TP53I13: variants seen among roughly 807,000 people sequenced by gnomAD.
The protein encoded by TP53I13 is tumor protein p53 inducible protein 13.
A neutral mutation model predicts 39.1 loss-of-function variants in TP53I13; 27 were observed. The ratio of observed to expected loss-of-function variants is 0.69; its 90% confidence interval spans 0.51 to 0.95. The LOEUF is 0.95. Ranked by LOEUF, TP53I13 falls within the 40% of genes least tolerant of loss-of-function variation. The pLI is 0.00. For synonymous variants in TP53I13, 230 were observed against 224.6 expected (o/e 1.02, Z -0.22); for missense variants, 544 against 520.4 (o/e 1.05, Z -0.44).
the TP53I13 span, among the ~76,000 whole-genome samples, chr17:29,580,357 G>C: frequency 6.6e-6 from 1 of 152,336 alleles, no homozygotes; most frequent in African/African-American, 2.4e-5. Context: ...CTGGGTTTAG[G>C]ATCTGAGTCG....
Position 29,568,926 on chromosome 17 carries a change from C to T in TP53I13, c.73-92C>T. On this transcript the variant is annotated intron_variant, in intron 1 of 6. Transcript: ENST00000301057. The surrounding 1 kb of genome is among the most constrained non-coding windows in gnomAD (Gnocchi z 4.5). ...AAGGAGTGGCGCGCCGAGGGGGACG[C>T]GGAGTTCTTCCGCTGGCGGGCTGGG... The T allele has an allele frequency of 1.3e-6, 2 of 1,595,344 alleles. No homozygotes were observed. Among genetic ancestry groups the T allele is most frequent in the African/African-American group, 1.3e-5 (1 of 74,824 alleles).
downstream of TP53I13, chr17:29,574,939 G>A (rs761908309): frequency 5.2e-6 from 8 of 1,534,498 alleles, no homozygotes; most frequent in East Asian, 2.4e-5. Flanking sequence ...AGTGAGGCTG[G>A]ACCTTGGACT....
rs1344188917 is a variant in TP53I13, at chr17:29,572,876, C to T, written c.1134C>T (p.Leu378=). 5 of 1,518,970 alleles carry T rather than the reference C, an allele frequency of 3.3e-6. No homozygotes were observed. Among genetic ancestry groups the T allele is most frequent in the Non-Finnish European group, 4.4e-6 (5 of 1,140,608 alleles). The allele number at this position is 1,518,970 out of a possible 1,614,324, so 94.1% of individuals were successfully genotyped here. The change falls in exon 7 of 7, where the codon CTC becomes CTT. Residue 378 remains leucine, a synonymous_variant. Transcript: ENST00000301057. The part of the protein sequence containing the change: ...RRVKRSRRRP[L]LPPTPDSGPE... ...TCAAGCGCTCGCGCCGGAGACCCCT[C>T]CTCCCGCCCACGCCGGACAGCGGCC...
At chr17:29,576,260 C>G, downstream of TP53I13, 2 of 1,610,240 alleles carry the variant, frequency 1.2e-6, no homozygotes, top group Non-Finnish European at 8.5e-7. Flanking sequence ...GAGCTCGTCC[C>G]CAGGGGGGCC....
At chr17:29,566,389 C>G (rs200715985), upstream of TP53I13, 20 of 1,610,976 alleles carry the variant, frequency 1.2e-5, no homozygotes, top group Admixed American at 1.0e-4. Context: ...GTGGCCGCGG[C>G]GATGGAAGAT....
At chr17:29,582,325 CGTCA>C in the TP53I13 span, among the ~76,000 whole-genome samples, 1 of 152,250 alleles carries the variant, frequency 6.6e-6, no homozygotes. Context: ...TAAACGCTGC[CGTCA>C]GTCACCATCT....
the TP53I13 span, chr17:29,581,224 TG>T: frequency 3.8e-6 from 3 of 784,302 alleles, no homozygotes; most frequent in Non-Finnish European, 4.5e-6. This position sits in a 1 kb window ranked among gnomAD's most constrained non-coding sequence, Gnocchi z 4.8. Context: ...CTCTAGTCTC[TG>T]GGGGGAGGGA....
At chr17:29,577,072 G>C (rs896983011), downstream of TP53I13, 15 of 1,604,774 alleles carry the variant, frequency 9.3e-6, no homozygotes, top group Non-Finnish European at 1.3e-5. Context: ...GGCAGGGAGA[G>C]CCATGCAGGA....
At chr17:29,574,383 C>A, downstream of TP53I13, 1 of 391,182 alleles carries the variant, frequency 2.6e-6, no homozygotes, top group Non-Finnish European at 4.8e-6. Flanking sequence ...TCCCCACCTG[C>A]CCCTTTGCTG....
chr17:29,579,137 G>A, the TP53I13 span: 9 of 685,490 alleles, frequency 1.3e-5, no homozygotes, highest in East Asian at 5.3e-5. Flanking sequence ...TCATCTCACC[G>A]CGTCCCCCAC....
At chr17:29,568,679 T>TGGGGCTGGA, upstream of TP53I13, 2 of 749,124 alleles carry the variant, frequency 2.7e-6, no homozygotes, top group Non-Finnish European at 3.2e-6. This position sits in a 1 kb window ranked among gnomAD's most constrained non-coding sequence, Gnocchi z 4.5. Context: ...GCGGGGGCGC[T>TGGGGCTGGA]GGGGCTGGAG....
chr17:29,572,957 C>T lies in TP53I13; in HGVS notation c.*33C>T. 2.9e-6 allele frequency: 4 copies of T among 1,366,034 alleles called. No homozygotes were observed. The highest frequency in any genetic ancestry group is 3.4e-5 in the South Asian group (2 of 59,672). 84.6% of individuals were successfully genotyped at this position (1,366,034 alleles called of 1,614,324 possible). On this transcript the variant is annotated 3_prime_UTR_variant, in exon 7 of 7. Coordinates refer to ENST00000301057, the MANE Select transcript of TP53I13 (RefSeq NM_138349.4). ...GGACCTGCCACTGTGGCGTGCGGCTCCTCCCCGCGCCGCGAGGCCGCGACC... is the reference window on the plus strand; with the variant it reads ...GGACCTGCCACTGTGGCGTGCGGCTTCTCCCCGCGCCGCGAGGCCGCGACC...
At chr17:29,575,895 G>A (rs762146014), downstream of TP53I13, 12 of 1,606,114 alleles carry the variant, frequency 7.5e-6, no homozygotes, top group African/African-American at 2.7e-5. The surrounding 1 kb of genome is among the most constrained non-coding windows in gnomAD (Gnocchi z 5.5). Flanking sequence ...ACCCCTTTCC[G>A]GATCTGAAAC....
chr17:29,572,662 G>T lies in TP53I13; in HGVS notation c.1034G>T (p.Trp345Leu), dbSNP rs868609765. Residue 345 changes from tryptophan (W) to leucine (L), a missense_variant, in exon 6 of 7, where the codon TGG becomes TTG. Coordinates refer to ENST00000301057, the MANE Select transcript of TP53I13 (RefSeq NM_138349.4). The stretch of plus-strand genomic sequence containing the variant: ...TTCCGACGCGGGGAGAGCATCTACT[G>T]GGGGCCCACAGCGGACAGCCAGGAC... ...RNFRRGESIY[W>L]GPTADSQDTV... is the part of the protein sequence containing the mutation. 1 of 1,580,330 alleles carries T rather than the reference G, an allele frequency of 6.3e-7. No homozygotes were observed. Among genetic ancestry groups the T allele is most frequent in the East Asian group, 2.3e-5 (1 of 42,894 alleles).
downstream of TP53I13, chr17:29,575,226 TCTGCAACACCCTAGAAGCCAACAGGAA>T: frequency 6.4e-7 from 1 of 1,561,736 alleles, no homozygotes; most frequent in Non-Finnish European, 8.7e-7. This position sits in a 1 kb window ranked among gnomAD's most constrained non-coding sequence, Gnocchi z 5.5. Flanking sequence ...CCTCATGCTC[TCTGCAACACCCTAGAAGCCAACAGGAA>T]CTGCATCCCC....
intron 2 of TP53I13, 83 bp downstream of exon 2, chr17:29,569,169 T>C: frequency 6.7e-7 from 1 of 1,495,540 alleles, no homozygotes; most frequent in South Asian, 1.2e-5. Flanking sequence ...CCCTCCACAG[T>C]CACCATCTGA....
Position 29,569,328 on chromosome 17 carries a change from G to C in TP53I13, c.152G>C (p.Arg51Thr). The change falls in exon 3 of 7, where the codon AGA (arginine) becomes ACA (threonine). Residue 51 changes from arginine (R) to threonine (T), a missense_variant. Coordinates refer to ENST00000301057, the MANE Select transcript of TP53I13 (RefSeq NM_138349.4). ...LWPLPPQVSPRVTYTRVSPGQ... is the reference protein window; with the variant it reads ...LWPLPPQVSPTVTYTRVSPGQ... ...TTTCCCCATGTATAGGTGTCACCAA[G>C]AGTGACCTACACACGAGTGAGCCCA... 1 of 1,613,820 alleles carries C rather than the reference G, an allele frequency of 6.2e-7. No individual in the cohort carries two copies.
rs2150811323 is a variant in TP53I13 at position 29,572,823 on chromosome 17, C to T, written c.1081C>T (p.Arg361Trp). 2.0e-6 allele frequency: 3 copies of T among 1,531,804 alleles called. No individual in the cohort carries two copies. The highest frequency in any genetic ancestry group is 1.7e-6 in the Non-Finnish European group (2 of 1,143,974). The allele number at this position is 1,531,804 out of a possible 1,614,324, so 94.9% of individuals were successfully genotyped here. A position where few individuals can be genotyped will look rare whatever the true frequency, so the allele number is the denominator to read the frequency against. The change falls in exon 7 of 7, where the codon CGG becomes TGG. Residue 361 changes from arginine (R) to tryptophan (W), a missense_variant. Physicochemically the swap from Arg to Trp is moderately radical, Grantham distance 101. Coordinates refer to ENST00000301057, the MANE Select transcript of TP53I13 (RefSeq NM_138349.4). Reference protein sequence around the residue: ...SQDTVAAVLKRRLLQPSRRVK... With the variant: ...SQDTVAAVLKWRLLQPSRRVK... ...CGCCCGGCCCACAGCTGTGCTGAAG[C>T]GGAGGCTGCTGCAGCCCTCGCGCCG... is the stretch of plus-strand genomic sequence containing the variant.
intron 3 of TP53I13, chr17:29,571,262 T>C: frequency 3.2e-6 from 1 of 311,598 alleles, no homozygotes; most frequent in Non-Finnish European, 6.0e-6. Context: ...GGGGGTTGCT[T>C]ATGGCTTGGA....
Sources: allele counts gnomAD v4.1 joint callset (sites outside exome capture counted in the v4.1 genomes callset), GRCh38; gene constraint gnomAD v4.1.1; non-coding constraint Gnocchi (gnomAD v3.1); transcripts MANE v1.5; gene names NCBI Gene and HGNC (gene_info 2026-07-23, HGNC 2026-07-21).